Variants in XRCC1 observed in about 807,000 individuals in gnomAD.
XRCC1 encodes DNA repair protein XRCC1.
XRCC1 carries 52 observed loss-of-function variants against 83.3 expected under a neutral mutation model. That is an observed-to-expected ratio of 0.62 (90% confidence interval 0.50 to 0.79). The LOEUF is 0.79. XRCC1 is among the 30% of genes least tolerant of loss of function. XRCC1 has a pLI of 0.00. For synonymous variants in XRCC1, 281 were observed against 312.6 expected, an observed-to-expected ratio of 0.90 and a Z score of 1.07; for missense variants, 793 against 823.5, an observed-to-expected ratio of 0.96 and a Z score of 0.45.
intron 2 of XRCC1, 86 bp downstream of exon 2, chr19:43,574,824 A>G (rs1274350731): frequency 3.6e-6 from 4 of 1,106,788 alleles, no homozygotes; most frequent in Non-Finnish European, 5.5e-6. Context: ...AAAGTGACTA[A>G]ACCCACTGCC....
rs184961406 is a variant in XRCC1, at chr19:43,567,166, G to T, written c.145-6146C>A. ...GTTGCCAAGGGCAACATTGGGGAGA[G>T]AATAAGAAGTGACTGTTTAATGGTT... is the stretch of plus-strand genomic sequence containing the variant. On this transcript the variant is annotated intron_variant, in intron 2 of 16. Coordinates refer to ENST00000262887, the MANE Select transcript of XRCC1 (RefSeq NM_006297.3). Among the ~76,000 whole-genome samples the T allele has an allele frequency of 8.1e-4, 123 of 151,472 alleles. No individual in the cohort carries two copies. The East Asian group carries it at 0.022, about 27-fold the overall frequency.
chr19:43,558,826 A>G (rs889011779), intron 3 of XRCC1, among the ~76,000 whole-genome samples: 2 of 151,448 alleles, frequency 1.3e-5, no homozygotes, highest in Non-Finnish European at 2.9e-5. Context: ...AGAAAAGGCA[A>G]GTCTTTTTTT....
chr19:43,561,126 A>G (rs1011855852), intron 2 of XRCC1, 106 bp from the exon 3 acceptor site: 8 of 894,176 alleles, frequency 8.9e-6, no homozygotes, highest in Non-Finnish European at 1.5e-5. Flanking sequence ...TGTAATGTCA[A>G]TTCTGTGAGG....
At chr19:43,562,016 C>T (rs1972704396) in intron 2 of XRCC1, among the ~76,000 whole-genome samples, 1 of 152,002 alleles carries the variant, frequency 6.6e-6, no homozygotes, top group Non-Finnish European at 1.5e-5. Context: ...CATGGTGACA[C>T]ATGCCTGTAG....
At chr19:43,547,656 T>G (rs1306269996) in intron 10 of XRCC1, among the ~76,000 whole-genome samples, 1 of 151,740 alleles carries the variant, frequency 6.6e-6, no homozygotes, top group African/African-American at 2.4e-5. Flanking sequence ...TAATTTTGTG[T>G]TTTTTGTGTT....
At chr19:43,566,427 G>A (rs1972753548) in intron 2 of XRCC1, among the ~76,000 whole-genome samples, 1 of 150,848 alleles carries the variant, frequency 6.6e-6, no homozygotes, top group African/African-American at 2.4e-5. Context: ...CAGCTACTCG[G>A]GAGGCTGAGG....
chr19:43,556,144 TC>T (rs1162630807), intron 3 of XRCC1, among the ~76,000 whole-genome samples: 1 of 152,078 alleles, frequency 6.6e-6, no homozygotes, highest in Non-Finnish European at 1.5e-5. Context: ...CACCTCAGCC[TC>T]CCAAAGCTAT....
chr19:43,563,417 C>T (rs779793385), intron 2 of XRCC1, among the ~76,000 whole-genome samples: 3 of 152,138 alleles, frequency 2.0e-5, no homozygotes, highest in Non-Finnish European at 4.4e-5. Context: ...CACTTGAACC[C>T]GGGAGGCAGA....
rs181278260 is a variant in XRCC1, at chr19:43,568,684, C to T, written c.144+6226G>A. Among the ~76,000 whole-genome samples the T allele has an allele frequency of 6.2e-3, 926 of 149,532 alleles. 10 individuals carry two copies. Among genetic ancestry groups the T allele is most frequent in the Non-Finnish European group, 6.8e-3 (462 of 67,818 alleles). On this transcript the variant is annotated intron_variant, in intron 2 of 16. Transcript: ENST00000262887. ...ATATGCTTGTATGTGTACAGAATGA[C>T]CCAGGAAGACCACCCAAAAAAACTG...
At chr19:43,565,996 G>A (rs1972748672) in intron 2 of XRCC1, among the ~76,000 whole-genome samples, 1 of 152,034 alleles carries the variant, frequency 6.6e-6, no homozygotes, top group South Asian at 2.1e-4. Flanking sequence ...AGCACTTTGG[G>A]AGGCCAAGGC....
chr19:43,557,707 G>A (rs1034734875), intron 3 of XRCC1, among the ~76,000 whole-genome samples: 2 of 142,192 alleles, frequency 1.4e-5, no homozygotes, highest in Non-Finnish European at 3.0e-5. Flanking sequence ...ATGGAGAATC[G>A]TTTGTACCTG....
At chr19:43,568,033 C>G (rs748556651) in intron 2 of XRCC1, among the ~76,000 whole-genome samples, 39 of 151,844 alleles carry the variant, frequency 2.6e-4, no homozygotes, top group Non-Finnish European at 4.9e-4. Flanking sequence ...CACCACTGCA[C>G]CTGGCTAATT....
chr19:43,562,064 T>G (rs1000311454), intron 2 of XRCC1, among the ~76,000 whole-genome samples: 1 of 147,764 alleles, frequency 6.8e-6, no homozygotes, highest in African/African-American at 2.5e-5. Flanking sequence ...AAGAATCTCT[T>G]GAACCTAGGA....
chr19:43,552,320 A>C (rs1239981574), intron 8 of XRCC1, 45 bp from the exon 9 acceptor site: 1 of 1,399,372 alleles, frequency 7.1e-7, no homozygotes, highest in Non-Finnish European at 9.8e-7. Context: ...ACTGGGGGTC[A>C]ACCCCCAGCC....
chr19:43,570,963 TAAC>T (rs1202720507), intron 2 of XRCC1, among the ~76,000 whole-genome samples: 2 of 152,206 alleles, frequency 1.3e-5, no homozygotes, highest in Non-Finnish European at 2.9e-5. Context: ...TGGAGTAAGT[TAAC>T]AAAACAACTG....
intron 2 of XRCC1, among the ~76,000 whole-genome samples, chr19:43,571,779 C>T (rs1972808455): frequency 6.6e-6 from 1 of 152,210 alleles, no homozygotes; most frequent in Admixed American, 6.5e-5. Flanking sequence ...GAGCTTACTG[C>T]ACCCCACTGA....
intron 2 of XRCC1, among the ~76,000 whole-genome samples, chr19:43,573,862 G>A (rs1347334251): frequency 2.0e-5 from 3 of 152,150 alleles, no homozygotes; most frequent in Admixed American, 6.5e-5. Flanking sequence ...CCTGGGAACA[G>A]AGTGAGACTC....
At chr19:43,563,781 ACTCT>A (rs1972725145) in intron 2 of XRCC1, among the ~76,000 whole-genome samples, 1 of 151,196 alleles carries the variant, frequency 6.6e-6, no homozygotes, top group African/African-American at 2.4e-5. Context: ...ACCTGGTGCC[ACTCT>A]CTATCTCCCT....
chr19:43,575,508 G>T lies in XRCC1; in HGVS notation c.-50C>A. The T allele has an allele frequency of 6.3e-7, 1 of 1,591,668 alleles. No individual in the cohort carries two copies. The highest frequency in any genetic ancestry group is 8.6e-7 in the Non-Finnish European group (1 of 1,163,706). On this transcript the variant is annotated 5_prime_UTR_variant, in exon 1 of 17. Coordinates refer to ENST00000262887, the MANE Select transcript of XRCC1 (RefSeq NM_006297.3). ...CCAGAAGGATGAGGTAGAGTATGGGGTCCGAGGGGCAGGGAGAGTGGGAGG... is the reference window on the plus strand; with the variant it reads ...CCAGAAGGATGAGGTAGAGTATGGGTTCCGAGGGGCAGGGAGAGTGGGAGG...
Sources: gnomAD v4.1 joint callset for allele counts (sites outside exome capture counted in the v4.1 genomes callset) on GRCh38, gnomAD v4.1.1 for gene constraint, MANE v1.5 for transcripts, NCBI Gene and HGNC (gene_info 2026-07-23, HGNC 2026-07-21) for gene names.